Variants in MAP3K1 observed in about 807,000 individuals in gnomAD.
MAP3K1 encodes the protein mitogen-activated protein kinase kinase kinase 1, also known as MAP/ERK kinase kinase 1.
Under a neutral mutation model 144.2 loss-of-function variants are expected in MAP3K1, and 36 were observed. The ratio of observed to expected loss-of-function variants is 0.25; its 90% CI spans 0.19 to 0.33. The LOEUF is 0.33. Among genes scored for constraint, MAP3K1 ranks in the 10% least tolerant of loss-of-function variants. The pLI, the probability that MAP3K1 is intolerant of heterozygous loss-of-function variation, is 1.00. For synonymous variants in MAP3K1, 718 were observed against 688.7 expected, an observed-to-expected ratio of 1.04 and a Z score of -0.67; for missense variants, 1,650 against 1,881.9, an observed-to-expected ratio of 0.88 and a Z score of 2.28.
chr5:56,879,343 T>A (rs1432772979), intron 11 of MAP3K1, among the ~76,000 whole-genome samples: 1 of 152,184 alleles, frequency 6.6e-6, no homozygotes, highest in Non-Finnish European at 1.5e-5. Context: ...GTATTGTGAT[T>A]TACTCTCTTT....
intron 1 of MAP3K1, among the ~76,000 whole-genome samples, chr5:56,836,260 G>A (rs929018473): frequency 7.9e-5 from 12 of 151,990 alleles, no homozygotes; most frequent in Admixed American, 2.0e-4. Flanking sequence ...CCTAATTGTC[G>A]CTTTTAAATA....
intron 9 of MAP3K1, among the ~76,000 whole-genome samples, chr5:56,874,599 TC>T (rs1477435649): frequency 6.6e-6 from 1 of 152,226 alleles, no homozygotes; most frequent in Non-Finnish European, 1.5e-5. Context: ...TGAAACCTTC[TC>T]CTGGTGCTTT....
chr5:56,819,041 T>C (rs1561159123), intron 1 of MAP3K1, among the ~76,000 whole-genome samples: 2 of 152,144 alleles, frequency 1.3e-5, no homozygotes, highest in African/African-American at 4.8e-5. Flanking sequence ...AAGTTAGTCT[T>C]CCGTGAATTT....
chr5:56,878,307 C>T (rs983359697), intron 10 of MAP3K1, among the ~76,000 whole-genome samples: 2 of 151,706 alleles, frequency 1.3e-5, no homozygotes, highest in Non-Finnish European at 1.5e-5. Context: ...TGTCGGGGGT[C>T]GGGAGGTAGA....
At chr5:56,836,555 T>C (rs1746660934) in intron 1 of MAP3K1, among the ~76,000 whole-genome samples, 1 of 152,192 alleles carries the variant, frequency 6.6e-6, no homozygotes, top group Admixed American at 6.5e-5. Flanking sequence ...ATTAACGCTT[T>C]GGGCATTTGT....
intron 19 of MAP3K1, among the ~76,000 whole-genome samples, chr5:56,892,222 GTAGT>G (rs1472702222): frequency 1.3e-5 from 2 of 152,142 alleles, no homozygotes; most frequent in Non-Finnish European, 2.9e-5. Flanking sequence ...GCACTGGTTT[GTAGT>G]TCTTGAAGAG....
intron 3 of MAP3K1, among the ~76,000 whole-genome samples, chr5:56,861,788 G>A (rs1389768820): frequency 6.6e-6 from 1 of 152,102 alleles, no homozygotes; most frequent in Non-Finnish European, 1.5e-5. Flanking sequence ...ATGTGAGAGA[G>A]AGACTTCTAG....
chr5:56,845,242 C>T (rs1349548770), intron 1 of MAP3K1, among the ~76,000 whole-genome samples: 2 of 152,156 alleles, frequency 1.3e-5, no homozygotes, highest in Non-Finnish European at 2.9e-5. Flanking sequence ...TATGTACTAG[C>T]CCTGTTGAGT....
chr5:56,886,175 AG>A (rs1160260782), intron 17 of MAP3K1, 112 bp downstream of exon 17: 2 of 840,448 alleles, frequency 2.4e-6, no homozygotes. Context: ...AGGTGAAGGC[AG>A]GTGGATCACT....
At chr5:56,842,005 A>G (rs898777791) in intron 1 of MAP3K1, 2 of 152,238 alleles carry the variant, frequency 1.3e-5, no homozygotes, top group African/African-American at 4.8e-5. Flanking sequence ...AACAGCCAGA[A>G]AACCTTCACC....
chr5:56,877,978 C>G (rs1026234733), intron 10 of MAP3K1, among the ~76,000 whole-genome samples: 1 of 152,156 alleles, frequency 6.6e-6, no homozygotes, highest in African/African-American at 2.4e-5. Context: ...ATGGAAGTTA[C>G]GTATTTTTCA....
At chr5:56,880,258 A>G (rs1377618514) in intron 11 of MAP3K1, among the ~76,000 whole-genome samples, 3 of 152,188 alleles carry the variant, frequency 2.0e-5, no homozygotes, top group Admixed American at 2.0e-4. Flanking sequence ...TGAATGACTG[A>G]ACATAAGAAA....
intron 1 of MAP3K1, among the ~76,000 whole-genome samples, chr5:56,823,031 G>A (rs528722089): frequency 1.2e-4 from 19 of 152,226 alleles, no homozygotes; most frequent in Non-Finnish European, 2.2e-4. Flanking sequence ...TTTGCTGTCC[G>A]TTCCAATCTG....
intron 1 of MAP3K1, among the ~76,000 whole-genome samples, chr5:56,837,345 A>G (rs890114754): frequency 1.3e-5 from 2 of 152,136 alleles, no homozygotes; most frequent in African/African-American, 2.4e-5. Context: ...ACTGAAATAT[A>G]TATGAGTCTA....
chr5:56,888,368 G>A lies in MAP3K1; in HGVS notation c.4389+11G>A. 6.2e-7 allele frequency: 1 copy of A among 1,613,492 alleles called. No individual in the cohort carries two copies. The highest frequency in any genetic ancestry group is 1.1e-5 in the South Asian group (1 of 91,012). ...GCTTTGATATTTAAGGTAATTGTGA[G>A]ATAAAAATTACTTCTTTGTGCTAAA... On this transcript the variant is annotated intron_variant, in intron 19 of 19. Coordinates refer to ENST00000399503, the MANE Select transcript of MAP3K1 (RefSeq NM_005921.2).
rs1170710395 is a variant in MAP3K1, at chr5:56,882,077, A to G, written c.2877A>G (p.Lys959=). The G allele has an allele frequency of 3.7e-6, 6 of 1,614,120 alleles. No individual in the cohort carries two copies. Among genetic ancestry groups the G allele is most frequent in the Non-Finnish European group, 1.7e-6 (2 of 1,180,040 alleles). The change falls in exon 14 of 20, where the codon AAA becomes AAG. Residue 959 remains lysine, a synonymous_variant. Transcript: ENST00000399503. ...AACCAAAGCCAATGGTTCAAACAAA[A>G]GGCAGACCCCACAGTCAGTGTTTGA... is the stretch of plus-strand genomic sequence containing the variant. ...TEQPKPMVQT[K]GRPHSQCLNS...
rs778804714 is a variant in MAP3K1 at position 56,882,499 on chromosome 5, A to G, written c.3299A>G (p.Asn1100Ser). 6 of 1,613,380 alleles carry G rather than the reference A, an allele frequency of 3.7e-6. No homozygotes were observed. The highest frequency in any genetic ancestry group is 2.2e-5 in the East Asian group (1 of 44,878). Residue 1100 changes from asparagine (N) to serine (S), a missense_variant, in exon 14 of 20, where the codon AAT (asparagine) becomes AGT (serine). This residue lies in a region of MAP3K1 where 841 missense variants were observed against 886.5 expected (regional missense o/e 0.95). Coordinates refer to ENST00000399503, the MANE Select transcript of MAP3K1 (RefSeq NM_005921.2). ...KCDDSFGCSS[N>S]SSNAVIPSDE... ...GATGACAGCTTTGGCTGTAGCAGCA[A>G]TAGTAGTAATGCTGTTATACCCAGT...
chr5:56,863,487 A>AT (rs1338610322), intron 3 of MAP3K1, among the ~76,000 whole-genome samples: 3 of 152,192 alleles, frequency 2.0e-5, no homozygotes, highest in Non-Finnish European at 2.9e-5. Flanking sequence ...TTAGTACTCC[A>AT]TTTTTAATTG....
At chr5:56,819,758 C>A (rs1746098350) in intron 1 of MAP3K1, among the ~76,000 whole-genome samples, 1 of 152,170 alleles carries the variant, frequency 6.6e-6, no homozygotes, top group Admixed American at 6.5e-5. Context: ...TCTTGGAATT[C>A]TTTGCTTCTA....
Sources: allele counts gnomAD v4.1 joint callset (sites outside exome capture counted in the v4.1 genomes callset), GRCh38; gene constraint gnomAD v4.1.1; regional missense constraint gnomAD v4.1.1; transcripts MANE v1.5; gene names NCBI Gene and HGNC (gene_info 2026-07-23, HGNC 2026-07-21).